PKNOX2: variants seen among roughly 807,000 people sequenced by gnomAD.
The protein encoded by PKNOX2 is homeobox protein PKNOX2.
A neutral mutation model predicts 53.1 loss-of-function variants in PKNOX2; 14 were observed. That is an observed-to-expected ratio of 0.26 (90% CI 0.17 to 0.41). PKNOX2 has a LOEUF of 0.41. Ranked by LOEUF, PKNOX2 falls within the 10% of genes least tolerant of loss-of-function variation. The pLI, the probability that PKNOX2 is intolerant of heterozygous loss-of-function variation, is 1.00. For missense variants in PKNOX2, 496 were observed against 602.8 expected (o/e 0.82, Z 1.85); for synonymous variants, 257 against 242.8 (o/e 1.06, Z -0.54).
chr11:125,312,344 A>G (rs1948861025), intron 2 of PKNOX2, among the ~76,000 whole-genome samples: 1 of 152,220 alleles, frequency 6.6e-6, no homozygotes, highest in African/African-American at 2.4e-5. Flanking sequence ...CCAGGAAGGC[A>G]AGAGGCAAAA....
chr11:125,185,162 T>A (rs1956374133), intron 1 of PKNOX2, among the ~76,000 whole-genome samples: 1 of 152,254 alleles, frequency 6.6e-6, no homozygotes, highest in African/African-American at 2.4e-5. Flanking sequence ...TCCTCAGCCC[T>A]GCAGCTCTGT....
intron 1 of PKNOX2, among the ~76,000 whole-genome samples, chr11:125,191,587 C>T (rs1188594243): frequency 6.6e-6 from 1 of 152,150 alleles, no homozygotes; most frequent in African/African-American, 2.4e-5. Context: ...AGTCACCTGC[C>T]AGTGCCTCCG....
At chr11:125,404,612 AACACACACATCACACAC>A (rs375988548) in intron 7 of PKNOX2, among the ~76,000 whole-genome samples, 2,280 of 151,014 alleles carry the variant, frequency 0.015, 46 homozygotes, top group Middle Eastern at 0.031. Context: ...CACACACACA[AACACACACATCACACAC>A]ACACAAACAC....
intron 2 of PKNOX2, among the ~76,000 whole-genome samples, chr11:125,256,860 C>T (rs1389346282): frequency 4.6e-5 from 7 of 152,290 alleles, no homozygotes; most frequent in East Asian, 1.9e-4. Context: ...CCGTTGCAGC[C>T]GCCTCTGTCT....
chr11:125,200,219 T>C (rs910269394), intron 1 of PKNOX2, among the ~76,000 whole-genome samples: 2 of 152,160 alleles, frequency 1.3e-5, no homozygotes, highest in African/African-American at 4.8e-5. Flanking sequence ...TCACAGCCAT[T>C]AGTCCCATGA....
intron 7 of PKNOX2, among the ~76,000 whole-genome samples, chr11:125,403,856 T>C (rs1954904569): frequency 1.3e-5 from 2 of 152,172 alleles, no homozygotes; most frequent in African/African-American, 2.4e-5. Flanking sequence ...GTTGAGGACA[T>C]TCTGAGATGC....
intron 1 of PKNOX2, among the ~76,000 whole-genome samples, chr11:125,215,199 C>T (rs141702426): frequency 6.6e-6 from 1 of 152,012 alleles, no homozygotes; most frequent in East Asian, 1.9e-4. Flanking sequence ...GTTCTTCCCC[C>T]ACCAGGAAGA....
intron 2 of PKNOX2, among the ~76,000 whole-genome samples, chr11:125,310,905 G>T (rs370334777): frequency 6.6e-6 from 1 of 151,802 alleles, no homozygotes; most frequent in East Asian, 1.9e-4. Context: ...TCCTTCTGTC[G>T]TCTGGTAACC....
intron 1 of PKNOX2, among the ~76,000 whole-genome samples, chr11:125,181,164 T>C (rs1446884602): frequency 1.3e-5 from 2 of 152,236 alleles, no homozygotes; most frequent in African/African-American, 2.4e-5. Flanking sequence ...TCTTTCACAT[T>C]TAAGTAACCT....
At chr11:125,201,201 C>A (rs2135402220) in intron 1 of PKNOX2, among the ~76,000 whole-genome samples, 1 of 152,272 alleles carries the variant, frequency 6.6e-6, no homozygotes, top group South Asian at 2.1e-4. Flanking sequence ...ATTCTACCCC[C>A]AAGAGGAAGC....
At chr11:125,197,379 C>CT (rs1473680176) in intron 1 of PKNOX2, among the ~76,000 whole-genome samples, 1 of 152,180 alleles carries the variant, frequency 6.6e-6, no homozygotes, top group African/African-American at 2.4e-5. Flanking sequence ...CCCAGGTCCT[C>CT]TCAGCCTCCC....
intron 2 of PKNOX2, among the ~76,000 whole-genome samples, chr11:125,237,240 GAC>G (rs756718387): frequency 2.0e-5 from 3 of 152,204 alleles, no homozygotes; most frequent in Non-Finnish European, 4.4e-5. Flanking sequence ...GCATCTAAGA[GAC>G]AGTAAAAGCC....
chr11:125,258,664 C>T (rs1944596291), intron 2 of PKNOX2: 1 of 176,072 alleles, frequency 5.7e-6, no homozygotes, highest in Non-Finnish European at 1.3e-5. Context: ...GTTTTTATTA[C>T]TAGAGGTCTG....
At position 125,385,683 on chromosome 11, in the gene PKNOX2, C is replaced by A; in HGVS notation, c.360C>A (p.His120Gln). Residue 120 changes from histidine (H) to glutamine (Q), a missense_variant, in exon 6 of 13, where the codon CAC (histidine) becomes CAA (glutamine). Physicochemically the swap from His to Gln is conservative, Grantham distance 24 (BLOSUM62 0). Transcript: ENST00000298282. ...TTGTCCACCAGCAGGAACAGGAGCA[C>A]AAACCCTTCTTCAGCGATGACCCAG... ...ENFVHQQEQEHKPFFSDDPEL... is the reference protein window; with the variant it reads ...ENFVHQQEQEQKPFFSDDPEL... 6.2e-7 allele frequency: 1 copy of A among 1,613,830 alleles called. No homozygotes were observed.
chr11:125,401,254 A>G (rs1034847643), intron 7 of PKNOX2, among the ~76,000 whole-genome samples: 4 of 152,168 alleles, frequency 2.6e-5, no homozygotes, highest in Admixed American at 1.3e-4. Flanking sequence ...ACCCAGGAAA[A>G]GGGAGACGAT....
intron 10 of PKNOX2, among the ~76,000 whole-genome samples, chr11:125,420,117 G>A (rs1482139370): frequency 1.2e-4 from 18 of 151,392 alleles, no homozygotes; most frequent in Admixed American, 1.1e-3. Context: ...AGCCCAGGAG[G>A]TCAAGGCTGC....
rs547381924 is a variant in PKNOX2, at chr11:125,296,171, T to C, written c.-129-35648T>C. Among the ~76,000 whole-genome samples, 361 of 152,264 alleles carry C rather than the reference T, an allele frequency of 2.4e-3. 1 individual carries two copies. The highest frequency in any genetic ancestry group is 9.3e-3 in the South Asian group (45 of 4,818). On this transcript the variant is annotated intron_variant, in intron 2 of 12. Coordinates refer to ENST00000298282, the MANE Select transcript of PKNOX2 (RefSeq NM_001382323.2). The stretch of plus-strand genomic sequence containing the variant: ...AGCCTCCCGACTTCTTCCCTTCTTC[T>C]CAGCCTTTTTTTTTCCAGTCTGTGC...
intron 5 of PKNOX2, among the ~76,000 whole-genome samples, chr11:125,380,028 G>A (rs1197524829): frequency 6.6e-6 from 1 of 152,054 alleles, no homozygotes; most frequent in Non-Finnish European, 1.5e-5. Context: ...GGGGGACTCA[G>A]AAAGGAGAAA....
chr11:125,285,313 T>TC (rs1946829145), intron 2 of PKNOX2, among the ~76,000 whole-genome samples: 1 of 152,122 alleles, frequency 6.6e-6, no homozygotes, highest in Non-Finnish European at 1.5e-5. Context: ...CACCCCAGAT[T>TC]CCCAGTTCTC....
Sources: gnomAD v4.1 joint callset for allele counts (sites outside exome capture counted in the v4.1 genomes callset) on GRCh38, gnomAD v4.1.1 for gene constraint, MANE v1.5 for transcripts, NCBI Gene and HGNC (gene_info 2026-07-23, HGNC 2026-07-21) for gene names.